Variants in FCRL2 observed in about 807,000 individuals in gnomAD.
The protein encoded by FCRL2 is Fc receptor like 2, also known as Fc receptor-like protein 2.
A neutral mutation model predicts 59.8 loss-of-function variants in FCRL2; 48 were observed. That is an observed-to-expected ratio of 0.80 (90% CI 0.64 to 1.02). The LOEUF is 1.02. Among genes scored for constraint, FCRL2 ranks in the 50% least tolerant of loss-of-function variants. FCRL2 has a pLI of 0.00. For synonymous variants in FCRL2, 251 were observed against 229.5 expected (o/e 1.09, Z -0.85); for missense variants, 658 against 597.3 (o/e 1.10, Z -1.06).
chr1:157,746,693 C>T lies in FCRL2; in HGVS notation c.*43G>A, dbSNP rs753241464. The stretch of plus-strand genomic sequence containing the variant: ...GGTTTTATAGCAAGTCTTAATGATG[C>T]CCCATCCTTGCTGTTGATCTTCCCT... On this transcript the variant is annotated 3_prime_UTR_variant, in exon 12 of 12. Transcript: ENST00000361516. 4.4e-6 allele frequency: 7 copies of T among 1,583,466 alleles called. No individual in the cohort carries two copies. The highest frequency in any genetic ancestry group is 1.7e-4 in the Middle Eastern group (1 of 6,018).
At chr1:157,751,851 A>G (rs1648213607) in intron 7 of FCRL2, among the ~76,000 whole-genome samples, 1 of 152,100 alleles carries the variant, frequency 6.6e-6, no homozygotes, top group African/African-American at 2.4e-5. Context: ...GGCTCTGGAG[A>G]ATCCAGAAAC....
rs1405874429 is a variant in FCRL2, at chr1:157,767,357, C to G, written c.1036G>C (p.Ala346Pro). ...HEDVTLGNSS[A>P]PSGGGASFNL... ...AAGGAGGCCCCTCCTCCAGAGGGGGCCGAGCTGTTCCCAAGGGTGACATCC... is the reference window on the plus strand; with the variant it reads ...AAGGAGGCCCCTCCTCCAGAGGGGGGCGAGCTGTTCCCAAGGGTGACATCC... The change falls in exon 6 of 12, where the codon GCC becomes CCC. Residue 346 changes from alanine to proline, a missense_variant. Coordinates refer to ENST00000361516, the MANE Select transcript of FCRL2 (RefSeq NM_030764.4). The G allele has an allele frequency of 1.2e-6, 2 of 1,614,176 alleles. No homozygotes were observed. The highest frequency in any genetic ancestry group is 4.5e-5 in the East Asian group (2 of 44,878).
chr1:157,768,313 A>G, intron 5 of FCRL2, 101 bp downstream of exon 5: 2 of 1,261,886 alleles, frequency 1.6e-6, no homozygotes, highest in Non-Finnish European at 2.2e-6. Flanking sequence ...GGTTCTCCAC[A>G]GCACTAATCC....
At chr1:157,766,648 TATGCACAGGGAACA>T in intron 7 of FCRL2, 193 bp downstream of exon 7, 1 of 647,204 alleles carries the variant, frequency 1.5e-6, no homozygotes, top group Non-Finnish European at 2.4e-6. Context: ...CTCCAGTGAC[TATGCACAGGGAACA>T]GTGACATATT....
chr1:157,769,423 T>C (rs894153132), intron 4 of FCRL2: 1 of 160,870 alleles, frequency 6.2e-6, no homozygotes, highest in African/African-American at 2.4e-5. Context: ...GGAGGGGTTT[T>C]TGTTATGTTT....
At chr1:157,749,701 T>C in intron 7 of FCRL2, 24 bp from the exon 8 acceptor site, 1 of 1,600,452 alleles carries the variant, frequency 6.2e-7, no homozygotes, top group African/African-American at 1.3e-5. Context: ...AAAACAAAAT[T>C]CATTTCAGAG....
intron 10 of FCRL2, 60 bp downstream of exon 10, chr1:157,748,493 A>C (rs6696643): frequency 1.0e-6 from 1 of 991,068 alleles, no homozygotes. Flanking sequence ...CTCTATTGCA[A>C]ACAATGCATC....
intron 7 of FCRL2, among the ~76,000 whole-genome samples, chr1:157,756,666 G>C (rs1295398500): frequency 7.3e-6 from 1 of 136,774 alleles, no homozygotes; most frequent in East Asian, 2.1e-4. Context: ...GTAGCACAGT[G>C]ACACTTTGTC....
At chr1:157,758,353 T>C (rs1328445813) in intron 7 of FCRL2, among the ~76,000 whole-genome samples, 1 of 152,070 alleles carries the variant, frequency 6.6e-6, no homozygotes, top group Non-Finnish European at 1.5e-5. Flanking sequence ...AAAATAAAAC[T>C]TCCATTGAAC....
intron 7 of FCRL2, among the ~76,000 whole-genome samples, chr1:157,754,399 C>A (rs1648427979): frequency 1.3e-5 from 2 of 152,162 alleles, no homozygotes; most frequent in Admixed American, 1.3e-4. Flanking sequence ...AAAGGGGAGG[C>A]ATGAATAATC....
intron 7 of FCRL2, among the ~76,000 whole-genome samples, chr1:157,756,840 C>T (rs962247184): frequency 6.6e-6 from 1 of 152,140 alleles, no homozygotes; most frequent in Non-Finnish European, 1.5e-5. Context: ...GTATGTGAGG[C>T]AATACATATA....
chr1:157,772,320 G>A (rs1650085865), intron 2 of FCRL2, among the ~76,000 whole-genome samples: 1 of 152,124 alleles, frequency 6.6e-6, no homozygotes, highest in African/African-American at 2.4e-5. Flanking sequence ...CTGACAAAGT[G>A]AGACTTTGAG....
At position 157,745,786 on chromosome 1, in the gene FCRL2, A is replaced by C. The variant is rs932788448; in HGVS notation, c.*950T>G. On this transcript the variant is annotated 3_prime_UTR_variant, in exon 12 of 12. Transcript: ENST00000361516. Reference sequence around the variant, plus strand: ...ACTTACAAAAGTAATATCATAGTTTATTGCAAATACTCATATTTACTATGT... The same window carrying C: ...ACTTACAAAAGTAATATCATAGTTTCTTGCAAATACTCATATTTACTATGT... The C allele has an allele frequency of 1.3e-5, 2 of 152,206 alleles. No homozygotes were observed. The highest frequency in any genetic ancestry group is 4.8e-5 in the African/African-American group (2 of 41,462). The allele number at this position is 152,206 out of a possible 1,614,324, so 9.4% of individuals were successfully genotyped here.
intron 7 of FCRL2, among the ~76,000 whole-genome samples, chr1:157,765,726 T>A (rs1162776872): frequency 6.6e-6 from 1 of 152,240 alleles, no homozygotes; most frequent in Non-Finnish European, 1.5e-5. Context: ...AAATATGGCT[T>A]AAAATTCTTT....
chr1:157,766,364 G>A (rs954461168), intron 7 of FCRL2, among the ~76,000 whole-genome samples: 4 of 152,138 alleles, frequency 2.6e-5, no homozygotes, highest in East Asian at 1.9e-4. Context: ...CCAGCTACTC[G>A]GGAGGTTGAG....
intron 5 of FCRL2, chr1:157,767,916 A>T (rs2101738399): frequency 2.8e-6 from 1 of 363,346 alleles, no homozygotes; most frequent in South Asian, 6.3e-5. Flanking sequence ...TATTCAGCCC[A>T]GTTCAGGACT....
At position 157,746,495 on chromosome 1, in the gene FCRL2, G is replaced by C; in HGVS notation, c.*241C>G. Reference sequence around the variant, plus strand: ...TTTACACACTGATTGCTTAAGAGAAGGTAGCAGAAATAATTTATTTGCACA... The same window carrying C: ...TTTACACACTGATTGCTTAAGAGAACGTAGCAGAAATAATTTATTTGCACA... On this transcript the variant is annotated 3_prime_UTR_variant, in exon 12 of 12. Transcript: ENST00000361516. 5.3e-6 allele frequency: 3 copies of C among 569,078 alleles called. No individual in the cohort carries two copies. In the South Asian group the frequency reaches 6.5e-5, roughly 12 times the overall value. 35.3% of individuals were successfully genotyped at this position (569,078 alleles called of 1,614,324 possible). A position where few individuals can be genotyped will look rare whatever the true frequency, so the allele number is the denominator to read the frequency against.
rs950383506 is a variant in FCRL2, at chr1:157,746,110, A to T, written c.*626T>A. ...TTAGTAATAAAAAACTTACCAACCA[A>T]CACAAAAGCCCTAGACCAGATGGAT... On this transcript the variant is annotated 3_prime_UTR_variant, in exon 12 of 12. Coordinates refer to ENST00000361516, the MANE Select transcript of FCRL2 (RefSeq NM_030764.4). The T allele has an allele frequency of 6.6e-6, 1 of 152,204 alleles. No homozygotes were observed. Among genetic ancestry groups the T allele is most frequent in the African/African-American group, 2.4e-5 (1 of 41,442 alleles). 9.4% of individuals were successfully genotyped at this position (152,204 alleles called of 1,614,324 possible).
At chr1:157,761,513 G>T (rs965463210) in intron 7 of FCRL2, among the ~76,000 whole-genome samples, 3 of 152,172 alleles carry the variant, frequency 2.0e-5, no homozygotes, top group East Asian at 3.9e-4. Context: ...GGAGACTGAG[G>T]TGAGAGGGTG....
Sources: allele counts gnomAD v4.1 joint callset (sites outside exome capture counted in the v4.1 genomes callset), GRCh38; gene constraint gnomAD v4.1.1; transcripts MANE v1.5; gene names NCBI Gene and HGNC (gene_info 2026-07-23, HGNC 2026-07-21).